The following ADCK1 variants were observed in gnomAD, a reference collection of about 807,000 sequenced individuals.
The protein encoded by ADCK1 is aarF domain-containing protein kinase 1.
A neutral mutation model predicts 52.3 loss-of-function variants in ADCK1; 41 were observed. The ratio of observed to expected loss-of-function variants is 0.78; its 90% confidence interval spans 0.61 to 1.02. ADCK1 has a LOEUF of 1.02. ADCK1 is among the 50% of genes least tolerant of loss of function. ADCK1 has a pLI of 0.00. For synonymous variants in ADCK1, 250 were observed against 274.6 expected (o/e 0.91, Z 0.89); for missense variants, 658 against 679.5 (o/e 0.97, Z 0.35).
At chr14:77,871,869 T>G (rs2082785887) in intron 4 of ADCK1, among the ~76,000 whole-genome samples, 1 of 152,196 alleles carries the variant, frequency 6.6e-6, no homozygotes, top group Non-Finnish European at 1.5e-5. Context: ...AGGTGCAAAC[T>G]GAGGCCAGAG....
At chr14:77,825,678 G>C (rs1479111475) in intron 3 of ADCK1, among the ~76,000 whole-genome samples, 1 of 139,834 alleles carries the variant, frequency 7.2e-6, no homozygotes, top group African/African-American at 2.7e-5. Context: ...TTTTGCTCTT[G>C]TCACCCAGGC....
At chr14:77,865,831 G>A (rs1272869354) in intron 4 of ADCK1, among the ~76,000 whole-genome samples, 1 of 152,242 alleles carries the variant, frequency 6.6e-6, no homozygotes, top group Non-Finnish European at 1.5e-5. Context: ...GATGGATTGA[G>A]TTAATGATTG....
At chr14:77,886,274 T>C (rs2083144635) in intron 4 of ADCK1, among the ~76,000 whole-genome samples, 1 of 152,242 alleles carries the variant, frequency 6.6e-6, no homozygotes, top group Non-Finnish European at 1.5e-5. Flanking sequence ...CCCTGGTTGG[T>C]AGAATGGAAA....
At chr14:77,833,095 A>G (rs1252112067) in intron 3 of ADCK1, among the ~76,000 whole-genome samples, 1 of 152,194 alleles carries the variant, frequency 6.6e-6, no homozygotes, top group Non-Finnish European at 1.5e-5. Flanking sequence ...ATCACCAGCT[A>G]CAGGACTGAT....
At chr14:77,801,600 C>G (rs750868979) in intron 1 of ADCK1, among the ~76,000 whole-genome samples, 3 of 152,080 alleles carry the variant, frequency 2.0e-5, no homozygotes, top group Non-Finnish European at 4.4e-5. Flanking sequence ...CATATTCTTA[C>G]TTTCTGCTAT....
chr14:77,830,799 G>GT (rs2081832115), intron 3 of ADCK1, among the ~76,000 whole-genome samples: 1 of 152,164 alleles, frequency 6.6e-6, no homozygotes, highest in Non-Finnish European at 1.5e-5. Context: ...TGAGTGTGAA[G>GT]TTTTTTTAGC....
At chr14:77,806,724 C>G (rs561750277) in intron 1 of ADCK1, among the ~76,000 whole-genome samples, 1 of 152,292 alleles carries the variant, frequency 6.6e-6, no homozygotes, top group African/African-American at 2.4e-5. Flanking sequence ...AAGATAGCCA[C>G]TCTTTTTTTA....
rs768253087 is a variant in ADCK1 at position 77,933,279 on chromosome 14, C to T, written c.1460C>T (p.Ala487Val). 24 of 1,614,050 alleles carry T rather than the reference C, an allele frequency of 1.5e-5. No homozygotes were observed. Among genetic ancestry groups the T allele is most frequent in the African/African-American group, 4.0e-5 (3 of 74,914 alleles). Residue 487 changes from alanine to valine, a missense_variant, in exon 11 of 11, where the codon GCC becomes GTC. Ala to Val is a moderately conservative substitution (Grantham distance 64). Transcript: ENST00000238561. ...FRRTQISFSE[A>V]FNLWQINLHE... ...AGGACCCAGATCTCTTTCAGCGAGGCCTTCAACTTATGGCAGATCAACCTC... is the reference window on the plus strand; with the variant it reads ...AGGACCCAGATCTCTTTCAGCGAGGTCTTCAACTTATGGCAGATCAACCTC...
intron 5 of ADCK1, among the ~76,000 whole-genome samples, chr14:77,889,844 T>C (rs1017737435): frequency 7.0e-6 from 1 of 142,080 alleles, no homozygotes; most frequent in Admixed American, 7.6e-5. Context: ...GATAGATGAA[T>C]GTGGTGGAGT....
intron 3 of ADCK1, among the ~76,000 whole-genome samples, chr14:77,845,302 G>A (rs919644196): frequency 6.6e-6 from 1 of 152,260 alleles, no homozygotes; most frequent in Admixed American, 6.5e-5. Flanking sequence ...ATCTTTAAAA[G>A]AGAGGATAAT....
chr14:77,909,346 G>T (rs892730701), intron 7 of ADCK1, among the ~76,000 whole-genome samples: 1 of 152,052 alleles, frequency 6.6e-6, no homozygotes, highest in Non-Finnish European at 1.5e-5. Context: ...TATTGGTCAG[G>T]CTGGTCTTGA....
At chr14:77,888,062 C>T (rs527661998) in intron 5 of ADCK1, among the ~76,000 whole-genome samples, 4 of 152,274 alleles carry the variant, frequency 2.6e-5, no homozygotes, top group Admixed American at 1.3e-4. Context: ...CCATCTTCAT[C>T]TTGGGGTAAT....
chr14:77,806,456 T>G (rs2081227291), intron 1 of ADCK1, among the ~76,000 whole-genome samples: 2 of 152,144 alleles, frequency 1.3e-5, no homozygotes, highest in Non-Finnish European at 2.9e-5. Flanking sequence ...TGGTTTCAAT[T>G]ATCAGTGGTA....
intron 3 of ADCK1, among the ~76,000 whole-genome samples, chr14:77,826,912 C>G (rs1350675816): frequency 6.6e-6 from 1 of 152,108 alleles, no homozygotes; most frequent in Admixed American, 6.6e-5. Context: ...CAGTTCTGGC[C>G]AGTGCGCAGG....
In ADCK1 at chr14:77,816,881, A is replaced by AATATATATATATATATATATATAT. The variant is rs71128689; in HGVS notation, c.-11-2065_-11-2064insATATATATATATATATATATATAT. 7.6e-3 allele frequency among the ~76,000 whole-genome samples: 832 copies of AATATATATATATATATATATATAT among 109,672 alleles called. 18 individuals carry two copies. Among genetic ancestry groups the AATATATATATATATATATATATAT allele is most frequent in the Non-Finnish European group, 0.012 (578 of 49,530 alleles). The allele number at this position is 109,672 out of a possible 152,430, so 71.9% of individuals were successfully genotyped here. On this transcript the variant is annotated intron_variant, in intron 1 of 10. Transcript: ENST00000238561. ...CACCATCTCCAGGTAGTAGATGGTA[A>AATATATATATATATATATATATAT]ATATATATATATATATATATATTTA...
intron 3 of ADCK1, among the ~76,000 whole-genome samples, chr14:77,846,812 C>A (rs757005347): frequency 8.5e-5 from 13 of 152,226 alleles, no homozygotes; most frequent in Non-Finnish European, 1.8e-4. Context: ...TAGGGTTGCT[C>A]CCCTGCTTTT....
At chr14:77,872,877 T>C (rs2082815839) in intron 4 of ADCK1, among the ~76,000 whole-genome samples, 3 of 152,144 alleles carry the variant, frequency 2.0e-5, no homozygotes. Context: ...GATTTTGTCA[T>C]ATTGGCCAGC....
intron 4 of ADCK1, among the ~76,000 whole-genome samples, chr14:77,875,849 A>G (rs2082887932): frequency 6.6e-6 from 1 of 152,222 alleles, no homozygotes; most frequent in Admixed American, 6.5e-5. Context: ...CTCGCCTGGC[A>G]TGGCAGAACT....
chr14:77,906,119 G>T (rs1161438235), intron 6 of ADCK1, among the ~76,000 whole-genome samples: 1 of 152,154 alleles, frequency 6.6e-6, no homozygotes, highest in Non-Finnish European at 1.5e-5. Context: ...AGGAAGACTG[G>T]GATGTAAAGA....
Sources: allele counts gnomAD v4.1 joint callset (sites outside exome capture counted in the v4.1 genomes callset), GRCh38; gene constraint gnomAD v4.1.1; transcripts MANE v1.5; gene names NCBI Gene and HGNC (gene_info 2026-07-23, HGNC 2026-07-21).